The following ERC2 variants were observed in gnomAD, a reference collection of about 807,000 sequenced individuals.
ERC2 encodes ELKS/RAB6-interacting/CAST family member 2.
ERC2 carries 42 observed loss-of-function variants against 114.8 expected under a neutral mutation model. That is an observed-to-expected ratio of 0.37 (90% CI 0.29 to 0.47). ERC2 has a LOEUF of 0.47. ERC2 is among the 20% of genes least tolerant of loss of function. The probability of loss-of-function intolerance (pLI) is 0.99; values close to 1 mark genes in which losing one functional copy is unlikely to be tolerated. For missense variants in ERC2, 939 were observed against 1,150.7 expected (o/e 0.82, Z 2.66); for synonymous variants, 454 against 425.5 (o/e 1.07, Z -0.82).
intron 17 of ERC2, among the ~76,000 whole-genome samples, chr3:55,559,855 T>C (rs2055882733): frequency 6.6e-6 from 1 of 152,208 alleles, no homozygotes; most frequent in Admixed American, 6.5e-5. Context: ...TATTTCACGC[T>C]GAATCATCAG....
At chr3:56,435,355 T>C (rs890510728) in intron 1 of ERC2, among the ~76,000 whole-genome samples, 2 of 152,136 alleles carry the variant, frequency 1.3e-5, no homozygotes, top group Non-Finnish European at 2.9e-5. Flanking sequence ...GTTTTACAAA[T>C]TCCCCCCACC....
intron 3 of ERC2, among the ~76,000 whole-genome samples, chr3:56,202,500 G>GT (rs1240913539): frequency 1.2e-5 from 1 of 86,466 alleles, no homozygotes; most frequent in African/African-American, 3.7e-5. Context: ...CTAAACTCAA[G>GT]CTTTTTTTTT....
chr3:56,101,348 C>T (rs1413450489), intron 6 of ERC2, among the ~76,000 whole-genome samples: 1 of 146,440 alleles, frequency 6.8e-6, no homozygotes, highest in Non-Finnish European at 1.5e-5. Context: ...GAAAGAGAGA[C>T]TGTTTTCCTT....
At chr3:56,296,481 AG>A in intron 2 of ERC2, 46 bp from the exon 3 acceptor site, 1 of 1,548,944 alleles carries the variant, frequency 6.5e-7, no homozygotes. Flanking sequence ...AAGGAAAAAA[AG>A]TCAATGAAAA....
intron 15 of ERC2, among the ~76,000 whole-genome samples, chr3:55,703,156 T>C (rs75606819): frequency 0.033 from 4,987 of 152,266 alleles, 117 homozygotes; most frequent in Non-Finnish European, 0.052. Flanking sequence ...ATTGAACACA[T>C]TCCATAGCCA....
chr3:56,393,152 C>A (rs562980929), intron 2 of ERC2, among the ~76,000 whole-genome samples: 2 of 152,224 alleles, frequency 1.3e-5, no homozygotes, highest in Admixed American at 1.3e-4. Context: ...AATCCCAGCA[C>A]TTTGGGAGGC....
intron 17 of ERC2, among the ~76,000 whole-genome samples, chr3:55,643,375 C>T (rs1426773392): frequency 6.6e-6 from 1 of 152,182 alleles, no homozygotes; most frequent in Non-Finnish European, 1.5e-5. Flanking sequence ...GGATATAGAG[C>T]ACTGGCAAGG....
chr3:56,041,119 T>A (rs933224949), intron 7 of ERC2, among the ~76,000 whole-genome samples: 1 of 152,160 alleles, frequency 6.6e-6, no homozygotes, highest in African/African-American at 2.4e-5. Context: ...ACAGGTTTCT[T>A]GGTATAATGG....
At chr3:56,407,043 A>G (rs2060755300) in intron 2 of ERC2, among the ~76,000 whole-genome samples, 1 of 152,170 alleles carries the variant, frequency 6.6e-6, no homozygotes, top group Admixed American at 6.5e-5. Context: ...GAAAATTAAG[A>G]CAGACAGGAT....
chr3:55,631,314 C>G (rs2059750406), intron 17 of ERC2, among the ~76,000 whole-genome samples: 1 of 152,094 alleles, frequency 6.6e-6, no homozygotes, highest in African/African-American at 2.4e-5. Flanking sequence ...GGAAGAAAGG[C>G]TGAAAAAGAG....
intron 6 of ERC2, among the ~76,000 whole-genome samples, chr3:56,086,404 C>T (rs1376199855): frequency 6.6e-6 from 1 of 151,838 alleles, no homozygotes; most frequent in East Asian, 1.9e-4. Context: ...AAAGTGTGTA[C>T]TTAACTTCAA....
At chr3:55,987,988 C>T (rs1203901715) in intron 11 of ERC2, among the ~76,000 whole-genome samples, 2 of 152,160 alleles carry the variant, frequency 1.3e-5, no homozygotes, top group Admixed American at 6.5e-5. Context: ...AAGATAATTA[C>T]ATGAAAGGTC....
chr3:55,632,305 G>A (rs2059787840), intron 17 of ERC2, among the ~76,000 whole-genome samples: 2 of 152,218 alleles, frequency 1.3e-5, no homozygotes, highest in South Asian at 4.1e-4. Context: ...TCTCATCTTG[G>A]TCCAGTTGTA....
intron 3 of ERC2, among the ~76,000 whole-genome samples, chr3:56,287,684 G>T (rs962087440): frequency 2.6e-5 from 4 of 152,168 alleles, no homozygotes; most frequent in African/African-American, 9.7e-5. Context: ...GTCTACTCTG[G>T]ATTACACTGA....
chr3:55,826,918 G>C (rs2060348306), intron 14 of ERC2, among the ~76,000 whole-genome samples: 1 of 152,248 alleles, frequency 6.6e-6, no homozygotes, highest in African/African-American at 2.4e-5. Flanking sequence ...CTGGAGGGCA[G>C]TGGTTATCAC....
At chr3:56,195,414 T>C (rs971599301) in intron 3 of ERC2, among the ~76,000 whole-genome samples, 1 of 152,084 alleles carries the variant, frequency 6.6e-6, no homozygotes, top group Non-Finnish European at 1.5e-5. Context: ...TGTGAATAAC[T>C]GAAAAAAATG....
At chr3:56,261,994 T>C (rs996572985) in intron 3 of ERC2, among the ~76,000 whole-genome samples, 7 of 152,288 alleles carry the variant, frequency 4.6e-5, no homozygotes, top group African/African-American at 1.7e-4. Context: ...GTTAGTTTGC[T>C]AAGGATAAGG....
intron 17 of ERC2, among the ~76,000 whole-genome samples, chr3:55,559,071 G>T (rs961909500): frequency 4.6e-5 from 7 of 152,220 alleles, no homozygotes; most frequent in Non-Finnish European, 8.8e-5. Context: ...AAGGCATGTG[G>T]CTCCAACTGG....
At chr3:56,313,095 C>CA (rs1254698464) in intron 2 of ERC2, among the ~76,000 whole-genome samples, 1 of 122,710 alleles carries the variant, frequency 8.1e-6, no homozygotes, top group African/African-American at 3.1e-5. Flanking sequence ...ACCCCATAAA[C>CA]AAAAATGTGT....
Sources: allele counts gnomAD v4.1 joint callset (sites outside exome capture counted in the v4.1 genomes callset), GRCh38; gene constraint gnomAD v4.1.1; transcripts MANE v1.5; gene names NCBI Gene and HGNC (gene_info 2026-07-23, HGNC 2026-07-21).